SUMF1: variants seen among roughly 807,000 people sequenced by gnomAD.
SUMF1 encodes the protein formylglycine-generating enzyme.
In SUMF1, 48 loss-of-function variants were observed where a neutral mutation model predicts 47.6. The ratio of observed to expected loss-of-function variants is 1.01; its 90% CI spans 0.80 to 1.28. The LOEUF (loss-of-function observed/expected upper bound fraction) is 1.28, where lower values mean the gene tolerates loss of function less well. SUMF1 is among the 50% of genes most tolerant of loss of function. The pLI, the probability that SUMF1 is intolerant of heterozygous loss-of-function variation, is 0.00. For missense variants in SUMF1, 571 were observed against 485.4 expected (o/e 1.18, Z -1.66); for synonymous variants, 230 against 192.1 (o/e 1.20, Z -1.63).
At chr3:4,456,757 T>TAC (rs2125148140) in intron 1 of SUMF1, among the ~76,000 whole-genome samples, 1 of 136,046 alleles carries the variant, frequency 7.4e-6, no homozygotes, top group South Asian at 2.4e-4. Context: ...TATATACGTG[T>TAC]GTGTGTATAT....
chr3:4,429,172 G>A (rs761224055), intron 3 of SUMF1, among the ~76,000 whole-genome samples: 1 of 152,204 alleles, frequency 6.6e-6, no homozygotes, highest in Non-Finnish European at 1.5e-5. Context: ...TGTAACCTGA[G>A]AGCGTGTCTT....
chr3:4,313,138 G>A lies in SUMF1; in HGVS notation c.1014+63192C>T, dbSNP rs2125098357. ...CAGTGACCACTGCAGAAACAGAGTGGTCCAGAAAGGTCTACAGTTCCACTT... is the reference window on the plus strand; with the variant it reads ...CAGTGACCACTGCAGAAACAGAGTGATCCAGAAAGGTCTACAGTTCCACTT... On this transcript the variant is annotated intron_variant and NMD_transcript_variant, in intron 8 of 12. Coordinates refer to the SUMF1 transcript ENST00000448413. 4 of 1,614,056 alleles carry A rather than the reference G, an allele frequency of 2.5e-6. No individual in the cohort carries two copies. The Middle Eastern group carries it at 5.0e-4, about 200-fold the overall frequency.
At chr3:4,405,317 G>A (rs1189992833) in intron 7 of SUMF1, among the ~76,000 whole-genome samples, 1 of 152,152 alleles carries the variant, frequency 6.6e-6, no homozygotes, top group Non-Finnish European at 1.5e-5. Flanking sequence ...TCAGAGGGGT[G>A]GCCTCTGCAC....
chr3:4,173,537 C>A (rs1335094952), intron 8 of SUMF1, among the ~76,000 whole-genome samples: 1 of 152,066 alleles, frequency 6.6e-6, no homozygotes, highest in Admixed American at 6.5e-5. Context: ...GGGTATACAC[C>A]CAAAGGGTTA....
rs772452284 is a variant in SUMF1, at chr3:4,467,217, C to T, written c.29G>A (p.Cys10Tyr). 23 of 1,611,622 alleles carry T rather than the reference C, an allele frequency of 1.4e-5. No homozygotes were observed. Among genetic ancestry groups the T allele is most frequent in the African/African-American group, 2.7e-5 (2 of 74,874 alleles). Residue 10 changes from cysteine to tyrosine, a missense_variant, in exon 1 of 9, where the codon TGT becomes TAT. By Grantham distance (194) the Cys-to-Tyr change is radical. Transcript: ENST00000272902. MAAPALGLV[C>Y]GRCPELGLVL... ...GAGACCCAGCTCAGGGCAACGTCCACACACCAGCCCTAGTGCGGGCGCAGC... is the reference window on the plus strand; with the variant it reads ...GAGACCCAGCTCAGGGCAACGTCCATACACCAGCCCTAGTGCGGGCGCAGC...
intron 9 of SUMF1, among the ~76,000 whole-genome samples, chr3:4,042,317 GT>G (rs1026221927): frequency 6.6e-5 from 10 of 151,594 alleles, no homozygotes; most frequent in Non-Finnish European, 1.0e-4. Flanking sequence ...AGTCACTAAA[GT>G]TTTTTTTTGT....
At chr3:4,365,813 G>C (rs377561154) in intron 8 of SUMF1, among the ~76,000 whole-genome samples, 1 of 151,782 alleles carries the variant, frequency 6.6e-6, no homozygotes, top group Non-Finnish European at 1.5e-5. Context: ...TCCTAGTCTC[G>C]ATGGTCTTTA....
At chr3:4,147,141 C>T (rs909395413) in intron 8 of SUMF1, among the ~76,000 whole-genome samples, 2 of 151,864 alleles carry the variant, frequency 1.3e-5, no homozygotes, top group African/African-American at 4.8e-5. Context: ...GTTAGAATGG[C>T]GATCATTAAA....
intron 1 of SUMF1, among the ~76,000 whole-genome samples, 160 bp downstream of exon 1, chr3:4,466,816 G>C (rs768300762): frequency 2.0e-5 from 3 of 152,188 alleles, no homozygotes; most frequent in African/African-American, 4.8e-5. Flanking sequence ...CTTCCGGTGA[G>C]GCACGGAGAA....
chr3:4,456,729 T>C (rs2125147633), intron 1 of SUMF1, among the ~76,000 whole-genome samples: 1 of 125,246 alleles, frequency 8.0e-6, no homozygotes, highest in South Asian at 2.4e-4. Context: ...TATATATACG[T>C]GTGTATATAT....
intron 8 of SUMF1, among the ~76,000 whole-genome samples, chr3:4,308,623 G>A (rs1698284794): frequency 6.6e-6 from 1 of 152,126 alleles, no homozygotes; most frequent in South Asian, 2.1e-4. Flanking sequence ...CACTTGTCCA[G>A]AATCACAATG....
At chr3:4,186,647 G>T (rs1268506756) in intron 8 of SUMF1, among the ~76,000 whole-genome samples, 3 of 151,928 alleles carry the variant, frequency 2.0e-5, no homozygotes, top group Admixed American at 2.0e-4. Context: ...AATTTTACTG[G>T]GTGTTCATAA....
At chr3:4,340,204 T>C (rs1428923583) in intron 8 of SUMF1, among the ~76,000 whole-genome samples, 1 of 152,140 alleles carries the variant, frequency 6.6e-6, no homozygotes, top group African/African-American at 2.4e-5. Context: ...AGTATCTGCA[T>C]TTGAAACAAG....
intron 7 of SUMF1, among the ~76,000 whole-genome samples, chr3:4,396,882 A>C (rs1701055794): frequency 6.6e-6 from 1 of 152,244 alleles, no homozygotes; most frequent in Non-Finnish European, 1.5e-5. Context: ...AGCATGAATT[A>C]TTATAGCTGT....
At chr3:4,294,259 C>G (rs1697798937) in intron 8 of SUMF1, among the ~76,000 whole-genome samples, 1 of 152,084 alleles carries the variant, frequency 6.6e-6, no homozygotes, top group African/African-American at 2.4e-5. Flanking sequence ...TTCGGTCACA[C>G]TAGCCATATT....
At chr3:4,379,254 T>C (rs1005181529) in intron 7 of SUMF1, among the ~76,000 whole-genome samples, 4 of 152,192 alleles carry the variant, frequency 2.6e-5, no homozygotes, top group African/African-American at 9.7e-5. Context: ...GATTCGGAAA[T>C]AGGAACTTTG....
At chr3:4,466,143 GCC>G (rs1379899400) in intron 1 of SUMF1, among the ~76,000 whole-genome samples, 1 of 143,676 alleles carries the variant, frequency 7.0e-6, no homozygotes, top group Non-Finnish European at 1.5e-5. Flanking sequence ...ACGGAGTCTC[GCC>G]CTGTCGCCCA....
chr3:4,296,077 A>AT (rs1405636475), intron 8 of SUMF1, among the ~76,000 whole-genome samples: 2 of 150,782 alleles, frequency 1.3e-5, no homozygotes, highest in Non-Finnish European at 2.9e-5. Flanking sequence ...AAATTGCCAC[A>AT]TTTTTTCTTA....
At chr3:4,142,693 G>T (rs1694099834) in intron 8 of SUMF1, among the ~76,000 whole-genome samples, 1 of 151,954 alleles carries the variant, frequency 6.6e-6, no homozygotes, top group East Asian at 1.9e-4. Context: ...TAGATCAGAG[G>T]TTCTTAAAAC....
Sources: gnomAD v4.1 joint callset for allele counts (sites outside exome capture counted in the v4.1 genomes callset) on GRCh38, gnomAD v4.1.1 for gene constraint, MANE v1.5 for transcripts, NCBI Gene and HGNC (gene_info 2026-07-23, HGNC 2026-07-21) for gene names.